SNAP23: variants seen among roughly 807,000 people sequenced by gnomAD.
The protein encoded by SNAP23 is synaptosomal-associated protein 23.
SNAP23 carries 11 observed loss-of-function variants against 29.0 expected under a neutral mutation model. The observed-to-expected ratio is 0.38, with a 90% confidence interval of 0.24 to 0.63. The LOEUF (loss-of-function observed/expected upper bound fraction) is 0.63. SNAP23 is among the 20% of genes least tolerant of loss of function. The pLI, the probability that SNAP23 is intolerant of heterozygous loss-of-function variation, is 0.58. For missense variants in SNAP23, 220 were observed against 253.9 expected, an observed-to-expected ratio of 0.87 and a Z score of 0.91; for synonymous variants, 60 against 82.9, an observed-to-expected ratio of 0.72 and a Z score of 1.50.
chr15:42,503,066 G>A (rs1194085025), intron 1 of SNAP23, among the ~76,000 whole-genome samples: 1 of 152,106 alleles, frequency 6.6e-6, no homozygotes, highest in Non-Finnish European at 1.5e-5. Context: ...TGGGACTATA[G>A]GCCTGAAAAT....
intron 5 of SNAP23, among the ~76,000 whole-genome samples, chr15:42,522,432 T>A (rs2057456633): frequency 6.6e-6 from 1 of 152,202 alleles, no homozygotes; most frequent in Non-Finnish European, 1.5e-5. Context: ...TTACTGTTTA[T>A]TATTGTGTCT....
At chr15:42,520,735 C>T (rs1381266926) in intron 5 of SNAP23, among the ~76,000 whole-genome samples, 1 of 152,158 alleles carries the variant, frequency 6.6e-6, no homozygotes, top group Non-Finnish European at 1.5e-5. Context: ...ACCTCGTGAT[C>T]CGCCCGCCTT....
At chr15:42,521,913 AACATTT>A in intron 5 of SNAP23, 2 of 369,684 alleles carry the variant, frequency 5.4e-6, no homozygotes, top group Non-Finnish European at 9.6e-6. Flanking sequence ...TTTGCTAAAT[AACATTT>A]AAGATTACCA....
At chr15:42,492,475 C>T (rs2057176814), upstream of SNAP23, among the ~76,000 whole-genome samples, 1 of 151,642 alleles carries the variant, frequency 6.6e-6, no homozygotes, top group African/African-American at 2.4e-5. Flanking sequence ...GTCCAGAGAT[C>T]GAGACCATCC....
At chr15:42,493,663 C>T (rs1595509647), upstream of SNAP23, among the ~76,000 whole-genome samples, 1 of 152,098 alleles carries the variant, frequency 6.6e-6, no homozygotes, top group East Asian at 1.9e-4. Flanking sequence ...TTCATTTTTG[C>T]CCATATTAAA....
At chr15:42,529,627 T>C (rs199597315) in intron 6 of SNAP23, 48 bp from the exon 7 acceptor site, 71 of 1,588,292 alleles carry the variant, frequency 4.5e-5, no homozygotes, top group East Asian at 6.7e-5. Context: ...TCCAGACTTT[T>C]ATTTAAATTC....
At chr15:42,518,070 CT>C (rs1339160624) in intron 5 of SNAP23, among the ~76,000 whole-genome samples, 1 of 151,978 alleles carries the variant, frequency 6.6e-6, no homozygotes, top group Admixed American at 6.6e-5. Context: ...CAAGGGGCTG[CT>C]GTAACAAAAC....
intron 2 of SNAP23, 52 bp from the exon 3 acceptor site, chr15:42,512,903 G>C (rs1426097445): frequency 7.1e-7 from 1 of 1,417,614 alleles, no homozygotes; most frequent in Non-Finnish European, 9.9e-7. Context: ...CCTGTGATCA[G>C]ATTTTTTTTT....
chr15:42,523,396 A>G lies in SNAP23; in HGVS notation c.267-4866A>G, dbSNP rs539251482. The stretch of plus-strand genomic sequence containing the variant: ...TTAGAACTATTCTTTCTTACTGTAG[A>G]CTAAAACAACCTGGTCCTAGTAATC... On this transcript the variant is annotated intron_variant, in intron 5 of 7. Transcript: ENST00000249647. 1.1e-4 allele frequency among the ~76,000 whole-genome samples: 16 copies of G among 152,328 alleles called. No homozygotes were observed. In the East Asian group the frequency reaches 2.9e-3, roughly 28 times the overall value.
chr15:42,508,919 T>C (rs912860897), intron 1 of SNAP23, among the ~76,000 whole-genome samples: 4 of 152,134 alleles, frequency 2.6e-5, no homozygotes, highest in African/African-American at 7.2e-5. Context: ...AATGGATTAG[T>C]GTATATTATT....
intron 5 of SNAP23, among the ~76,000 whole-genome samples, chr15:42,524,114 CT>C (rs899109603): frequency 6.6e-6 from 1 of 151,948 alleles, no homozygotes; most frequent in Non-Finnish European, 1.5e-5. Context: ...CCGCGCCTGG[CT>C]TTTTTTTGTT....
At chr15:42,523,560 G>A (rs1449389481) in intron 5 of SNAP23, among the ~76,000 whole-genome samples, 1 of 152,198 alleles carries the variant, frequency 6.6e-6, no homozygotes, top group African/African-American at 2.4e-5. Flanking sequence ...AGGTCAGGTT[G>A]AAGTTGAAGC....
intron 6 of SNAP23, among the ~76,000 whole-genome samples, chr15:42,528,947 T>C (rs1234395202): frequency 6.6e-6 from 1 of 152,334 alleles, no homozygotes; most frequent in Non-Finnish European, 1.5e-5. Flanking sequence ...CTTTATACTT[T>C]TCAGTACTTT....
chr15:42,506,005 G>GGGAT, intron 1 of SNAP23, among the ~76,000 whole-genome samples: 2 of 150,972 alleles, frequency 1.3e-5, no homozygotes, highest in East Asian at 3.9e-4. Flanking sequence ...GAGTGTAGTG[G>GGGAT]CATGATCTCG....
chr15:42,493,710 C>A (rs1243300456), upstream of SNAP23, among the ~76,000 whole-genome samples: 1 of 152,094 alleles, frequency 6.6e-6, no homozygotes, highest in Non-Finnish European at 1.5e-5. Flanking sequence ...CTACAACATT[C>A]TTCTGTCAAC....
chr15:42,528,007 A>G, intron 5 of SNAP23: 1 of 372,244 alleles, frequency 2.7e-6, no homozygotes, highest in Non-Finnish European at 4.9e-6. Flanking sequence ...GCTACTTGCT[A>G]ACAGCCTAGT....
At chr15:42,498,197 C>T (rs1287422009) in intron 1 of SNAP23, among the ~76,000 whole-genome samples, 2 of 152,220 alleles carry the variant, frequency 1.3e-5, no homozygotes, top group Non-Finnish European at 2.9e-5. Context: ...CTCCACTAGG[C>T]AGTGCCCCAG....
At position 42,529,778 on chromosome 15, in the gene SNAP23, A is replaced by G; in HGVS notation, c.529A>G (p.Ile177Val). 6.2e-7 allele frequency: 1 copy of G among 1,613,528 alleles called. No homozygotes were observed. Among genetic ancestry groups the G allele is most frequent in the Non-Finnish European group, 8.5e-7 (1 of 1,179,904 alleles). Reference sequence around the variant, plus strand: ...CATGGCCCTGAACATAGGCAATGAGATTGATGCTCAAAATCCACAAATAAA... The same window carrying G: ...CATGGCCCTGAACATAGGCAATGAGGTTGATGCTCAAAATCCACAAATAAA... ...KDMALNIGNE[I>V]DAQNPQIKRI... Residue 177 changes from isoleucine (I) to valine (V), a missense_variant, in exon 7 of 8, where the codon ATT becomes GTT. Transcript: ENST00000249647.
intron 5 of SNAP23, among the ~76,000 whole-genome samples, chr15:42,524,950 A>G (rs554210997): frequency 3.3e-5 from 5 of 152,186 alleles, no homozygotes. Context: ...AATGAGACGC[A>G]CTGAACTGTC....
Sources: allele counts gnomAD v4.1 joint callset (sites outside exome capture counted in the v4.1 genomes callset), GRCh38; gene constraint gnomAD v4.1.1; transcripts MANE v1.5; gene names NCBI Gene and HGNC (gene_info 2026-07-23, HGNC 2026-07-21).